PRR16: variants seen among roughly 807,000 people sequenced by gnomAD.
PRR16 encodes protein Largen.
A neutral mutation model predicts 18.2 loss-of-function variants in PRR16; 6 were observed. That is an observed-to-expected ratio of 0.33 (90% confidence interval 0.18 to 0.65). PRR16 has a LOEUF of 0.65. Ranked by LOEUF, PRR16 falls within the 30% of genes least tolerant of loss-of-function variation. The probability of loss-of-function intolerance (pLI) is 0.74; values close to 1 mark genes in which losing one functional copy is unlikely to be tolerated. For synonymous variants in PRR16, 151 were observed against 147.8 expected (o/e 1.02, Z -0.16); for missense variants, 412 against 376.6 (o/e 1.09, Z -0.78).
At chr5:120,520,659 C>T (rs1219681039) in intron 1 of PRR16, among the ~76,000 whole-genome samples, 1 of 152,088 alleles carries the variant, frequency 6.6e-6, no homozygotes, top group Non-Finnish European at 1.5e-5. Flanking sequence ...GAAGTTTTCA[C>T]TGTTGCATTT....
At chr5:120,472,703 G>T (rs1749307975) in intron 1 of PRR16, among the ~76,000 whole-genome samples, 1 of 152,056 alleles carries the variant, frequency 6.6e-6, no homozygotes, top group South Asian at 2.1e-4. Flanking sequence ...TGATGGCTGT[G>T]GTTTGATGTT....
intron 1 of PRR16, among the ~76,000 whole-genome samples, chr5:120,685,306 T>G (rs1757085990): frequency 6.6e-6 from 1 of 152,196 alleles, no homozygotes; most frequent in Non-Finnish European, 1.5e-5. Flanking sequence ...TGTCTGAGAC[T>G]CCCAAGGATT....
At chr5:120,517,907 C>A (rs1751050598) in intron 1 of PRR16, among the ~76,000 whole-genome samples, 1 of 152,126 alleles carries the variant, frequency 6.6e-6, no homozygotes, top group Non-Finnish European at 1.5e-5. Flanking sequence ...CGAGGACTTC[C>A]TGTACTGTAA....
At chr5:120,489,465 G>A (rs889782680) in intron 1 of PRR16, among the ~76,000 whole-genome samples, 8 of 152,104 alleles carry the variant, frequency 5.3e-5, no homozygotes, top group African/African-American at 1.9e-4. Flanking sequence ...TCAGAGACTA[G>A]GATTGCAGCC....
intron 1 of PRR16, among the ~76,000 whole-genome samples, chr5:120,535,832 A>G (rs910452113): frequency 1.4e-5 from 2 of 145,488 alleles, no homozygotes; most frequent in Non-Finnish European, 3.0e-5. Flanking sequence ...GCCAGGCACG[A>G]TGGCTCACTC....
intron 1 of PRR16, among the ~76,000 whole-genome samples, chr5:120,579,549 A>G (rs1258971870): frequency 6.6e-6 from 1 of 152,068 alleles, no homozygotes; most frequent in Non-Finnish European, 1.5e-5. Context: ...TTTGTTGAAG[A>G]TCAGTTGGTT....
chr5:120,690,468 GT>G (rs1757195961), downstream of PRR16, among the ~76,000 whole-genome samples: 1 of 152,134 alleles, frequency 6.6e-6, no homozygotes, highest in Non-Finnish European at 1.5e-5. Flanking sequence ...TATGTTCCAA[GT>G]TGTAGCAAAA....
chr5:120,679,885 A>G (rs1463719890), intron 1 of PRR16, among the ~76,000 whole-genome samples: 1 of 152,170 alleles, frequency 6.6e-6, no homozygotes, highest in African/African-American at 2.4e-5. Flanking sequence ...AGGATACGAA[A>G]TAGCAAATAT....
chr5:120,713,721 T>A, the PRR16 span, among the ~76,000 whole-genome samples: 1 of 152,184 alleles, frequency 6.6e-6, no homozygotes, highest in South Asian at 2.1e-4. Flanking sequence ...TCTGTTTGTT[T>A]CATAGTACAT....
chr5:120,785,575 GTTT>G, the PRR16 span, among the ~76,000 whole-genome samples: 3 of 115,390 alleles, frequency 2.6e-5, no homozygotes, highest in African/African-American at 6.8e-5. Context: ...TGTTGTTGTT[GTTT>G]TTTTTTTTTT....
chr5:120,508,933 G>A (rs1023157775), intron 1 of PRR16, among the ~76,000 whole-genome samples: 1 of 151,896 alleles, frequency 6.6e-6, no homozygotes, highest in Non-Finnish European at 1.5e-5. Context: ...GCTCCTTTTT[G>A]TATATAACCT....
At chr5:120,773,034 A>G in the PRR16 span, among the ~76,000 whole-genome samples, 106 of 152,254 alleles carry the variant, frequency 7.0e-4, no homozygotes, top group African/African-American at 2.4e-3. Context: ...TATTATATAG[A>G]TATTGCTATA....
At chr5:120,514,551 C>T (rs910605343) in intron 1 of PRR16, among the ~76,000 whole-genome samples, 1 of 152,142 alleles carries the variant, frequency 6.6e-6, no homozygotes, top group African/African-American at 2.4e-5. Flanking sequence ...ACCTTGAATA[C>T]TTTGCTGCTT....
At chr5:120,585,060 C>G (rs1437891546) in intron 1 of PRR16, among the ~76,000 whole-genome samples, 1 of 152,134 alleles carries the variant, frequency 6.6e-6, no homozygotes, top group South Asian at 2.1e-4. Context: ...AAAATATTTG[C>G]CCTTCCACCT....
chr5:120,645,700 A>G lies in PRR16; in HGVS notation c.160-40254A>G, dbSNP rs114980551. Among the ~76,000 whole-genome samples the G allele has an allele frequency of 4.4e-3, 676 of 152,158 alleles. 6 individuals carry two copies. The highest frequency in any genetic ancestry group is 0.015 in the African/African-American group (635 of 41,550). ...TGGGTCCTTCATGTTTGGTTAAGTC[A>G]AAAGCCCAATTATTTTCTCAAGAGC... On this transcript the variant is annotated intron_variant, in intron 1 of 1. Transcript: ENST00000407149.
intron 1 of PRR16, among the ~76,000 whole-genome samples, chr5:120,512,153 C>A (rs111467767): frequency 1.5e-3 from 121 of 79,208 alleles, no homozygotes; most frequent in Non-Finnish European, 1.8e-3. Context: ...CCTGCTGTTC[C>A]TGGAATCCCC....
At chr5:120,672,536 A>G (rs1214628254) in intron 1 of PRR16, among the ~76,000 whole-genome samples, 2 of 66,234 alleles carry the variant, frequency 3.0e-5, no homozygotes, top group African/African-American at 4.2e-5. Context: ...TGTTATAGAT[A>G]TATATGTGTG....
intron 1 of PRR16, among the ~76,000 whole-genome samples, chr5:120,548,684 C>G (rs760104073): frequency 3.5e-5 from 5 of 144,228 alleles, no homozygotes; most frequent in African/African-American, 5.1e-5. Context: ...ATCAGTAGAA[C>G]TGGAAATAAA....
chr5:120,650,579 T>C (rs1211191657), intron 1 of PRR16, among the ~76,000 whole-genome samples: 1 of 151,208 alleles, frequency 6.6e-6, no homozygotes, highest in Non-Finnish European at 1.5e-5. Flanking sequence ...ACATGTGTTG[T>C]TTGGTTTTTT....
Sources: allele counts gnomAD v4.1 joint callset (sites outside exome capture counted in the v4.1 genomes callset), GRCh38; gene constraint gnomAD v4.1.1; transcripts MANE v1.5; gene names NCBI Gene and HGNC (gene_info 2026-07-23, HGNC 2026-07-21).